SPAG16: variants seen among roughly 807,000 people sequenced by gnomAD.
SPAG16 encodes the protein sperm associated antigen 16, also known as sperm-associated antigen 16 protein.
Under a neutral mutation model 80.4 loss-of-function variants are expected in SPAG16, and 86 were observed. The ratio of observed to expected loss-of-function variants is 1.07; its 90% CI spans 0.90 to 1.28. The LOEUF is 1.28. Among genes scored for constraint, SPAG16 ranks in the 50% most tolerant of loss-of-function variants. The pLI is 0.00. For missense variants in SPAG16, 870 were observed against 765.3 expected (o/e 1.14, Z -1.61); for synonymous variants, 294 against 265.9 (o/e 1.11, Z -1.03).
At chr2:214,095,325 T>G (rs952799935) in intron 13 of SPAG16, among the ~76,000 whole-genome samples, 4 of 152,044 alleles carry the variant, frequency 2.6e-5, no homozygotes, top group Non-Finnish European at 5.9e-5. Context: ...AGAAACCTTT[T>G]CTCCAGTTCA....
intron 15 of SPAG16, among the ~76,000 whole-genome samples, chr2:214,374,432 C>T (rs900537333): frequency 6.6e-6 from 1 of 152,176 alleles, no homozygotes; most frequent in African/African-American, 2.4e-5. Context: ...TGAACATGAA[C>T]CTCTCGATAT....
intron 15 of SPAG16, among the ~76,000 whole-genome samples, chr2:214,202,586 C>T (rs2058039772): frequency 2.6e-5 from 4 of 151,994 alleles, no homozygotes; most frequent in Admixed American, 2.6e-4. Flanking sequence ...AGATTGAAGC[C>T]CCAAAATCCA....
chr2:214,191,818 G>A (rs530233107), intron 15 of SPAG16, among the ~76,000 whole-genome samples: 52 of 151,158 alleles, frequency 3.4e-4, no homozygotes, highest in African/African-American at 9.2e-4. Flanking sequence ...AACGATTTCC[G>A]TATAGTTATG....
intron 13 of SPAG16, among the ~76,000 whole-genome samples, chr2:214,062,691 C>G (rs1157980714): frequency 2.1e-5 from 2 of 94,210 alleles, no homozygotes; most frequent in African/African-American, 4.1e-5. Context: ...TTTTTTTAGT[C>G]TCTGCTCTCT....
intron 1 of SPAG16, 56 bp downstream of exon 1, chr2:213,284,675 C>G (rs756012747): frequency 1.3e-6 from 2 of 1,554,792 alleles, no homozygotes; most frequent in Non-Finnish European, 1.7e-6. Context: ...GGTGTTGGGA[C>G]GAAGGCGAGG....
intron 10 of SPAG16, among the ~76,000 whole-genome samples, chr2:213,764,228 T>G (rs562667619): frequency 6.6e-6 from 1 of 152,320 alleles, no homozygotes; most frequent in African/African-American, 2.4e-5. Context: ...TCTCCACCAC[T>G]TTGCCTTTTA....
At chr2:213,970,412 C>T (rs986141614) in intron 12 of SPAG16, among the ~76,000 whole-genome samples, 1 of 152,004 alleles carries the variant, frequency 6.6e-6, no homozygotes, top group African/African-American at 2.4e-5. Flanking sequence ...AGTGATCTGC[C>T]CACCTCAGCC....
intron 10 of SPAG16, among the ~76,000 whole-genome samples, chr2:213,566,867 T>C (rs1311243059): frequency 1.3e-5 from 2 of 152,208 alleles, no homozygotes; most frequent in African/African-American, 4.8e-5. Flanking sequence ...ACTGTTATAT[T>C]TTAATAGATT....
At chr2:213,301,604 AG>A (rs917082577) in intron 3 of SPAG16, among the ~76,000 whole-genome samples, 29 of 152,242 alleles carry the variant, frequency 1.9e-4, no homozygotes, top group African/African-American at 6.7e-4. Flanking sequence ...TCTACCTTAA[AG>A]CTACCCTCTT....
chr2:213,923,414 A>G (rs956668212), intron 11 of SPAG16, among the ~76,000 whole-genome samples: 1 of 152,122 alleles, frequency 6.6e-6, no homozygotes, highest in Non-Finnish European at 1.5e-5. Context: ...TCCAAACAGA[A>G]GCCAGACTGC....
In SPAG16 at chr2:213,929,945, T is replaced by C; in HGVS notation, c.1215-15T>C. ...ACTTTTTAAACAAGCTGTCTTTTTATGTTTTTGCAAATAGTGGCGACAAAT... is the reference window on the plus strand; with the variant it reads ...ACTTTTTAAACAAGCTGTCTTTTTACGTTTTTGCAAATAGTGGCGACAAAT... On this transcript the variant is annotated splice_polypyrimidine_tract_variant and intron_variant, in intron 11 of 15. Coordinates refer to ENST00000331683, the MANE Select transcript of SPAG16 (RefSeq NM_024532.5). 1.3e-6 allele frequency: 2 copies of C among 1,599,054 alleles called. No homozygotes were observed. Among genetic ancestry groups the C allele is most frequent in the Non-Finnish European group, 1.7e-6 (2 of 1,172,128 alleles).
chr2:214,007,888 A>C (rs1271548680), intron 12 of SPAG16, among the ~76,000 whole-genome samples: 1 of 152,172 alleles, frequency 6.6e-6, no homozygotes, highest in Non-Finnish European at 1.5e-5. Flanking sequence ...CATGAAAAAT[A>C]TCAATGTTGA....
chr2:213,490,226 C>A, intron 10 of SPAG16, 136 bp downstream of exon 10: 1 of 782,010 alleles, frequency 1.3e-6, no homozygotes, highest in Non-Finnish European at 1.9e-6. Flanking sequence ...ATGAAAGAAT[C>A]TGCTTATAGT....
At chr2:213,757,729 T>C (rs766154568) in intron 10 of SPAG16, among the ~76,000 whole-genome samples, 2 of 152,136 alleles carry the variant, frequency 1.3e-5, no homozygotes, top group African/African-American at 2.4e-5. Context: ...CAGGCAGCTG[T>C]GCACATGTTA....
At chr2:214,227,702 A>ATTTGTG (rs1553534024) in intron 15 of SPAG16, among the ~76,000 whole-genome samples, 1 of 145,660 alleles carries the variant, frequency 6.9e-6, no homozygotes, top group Non-Finnish European at 1.5e-5. Context: ...TGGAAGGTGT[A>ATTTGTG]TGTGTGTGTG....
At chr2:213,770,620 AC>A (rs2069190441) in intron 10 of SPAG16, among the ~76,000 whole-genome samples, 1 of 151,540 alleles carries the variant, frequency 6.6e-6, no homozygotes, top group African/African-American at 2.4e-5. Flanking sequence ...TTCCCCTAAC[AC>A]CCCCTTGACA....
At chr2:214,177,652 C>G (rs553595462) in intron 15 of SPAG16, among the ~76,000 whole-genome samples, 1 of 150,506 alleles carries the variant, frequency 6.6e-6, no homozygotes, top group East Asian at 2.0e-4. Context: ...AAAAATGCTT[C>G]TTATGGAAGT....
chr2:213,881,182 T>C (rs1182608793), intron 11 of SPAG16, among the ~76,000 whole-genome samples: 1 of 152,196 alleles, frequency 6.6e-6, no homozygotes, highest in East Asian at 1.9e-4. Context: ...CTCATCTCCT[T>C]GGTTAGCTGT....
rs185523010 is a variant in SPAG16, at chr2:214,137,927, A to T, written c.1594-11213A>T. Among the ~76,000 whole-genome samples the T allele has an allele frequency of 7.2e-5, 11 of 152,272 alleles. No individual in the cohort carries two copies. In the East Asian group the frequency reaches 2.1e-3, roughly 29 times the overall value. On this transcript the variant is annotated intron_variant, in intron 14 of 15. Coordinates refer to ENST00000331683, the MANE Select transcript of SPAG16 (RefSeq NM_024532.5). Reference sequence around the variant, plus strand: ...AAAAATCTATTCTAATTTGATAGAAAAAAAGGACATGTTAATTAAAAAACC... The same window carrying T: ...AAAAATCTATTCTAATTTGATAGAATAAAAGGACATGTTAATTAAAAAACC...
Sources: allele counts gnomAD v4.1 joint callset (sites outside exome capture counted in the v4.1 genomes callset), GRCh38; gene constraint gnomAD v4.1.1; transcripts MANE v1.5; gene names NCBI Gene and HGNC (gene_info 2026-07-23, HGNC 2026-07-21).